ST14: variants seen among roughly 807,000 people sequenced by gnomAD.
ST14 encodes suppressor of tumorigenicity 14 protein.
ST14 carries 40 observed loss-of-function variants against 96.5 expected under a neutral mutation model. The observed-to-expected ratio is 0.41, with a 90% CI of 0.32 to 0.54. The LOEUF (loss-of-function observed/expected upper bound fraction) is 0.54, where lower values mean the gene tolerates loss of function less well. Ranked by LOEUF, ST14 falls within the 20% of genes least tolerant of loss-of-function variation. ST14 has a pLI of 0.17. For missense variants in ST14, 1,066 were observed against 1,188.9 expected (o/e 0.90, Z 1.52); for synonymous variants, 506 against 492.1 (o/e 1.03, Z -0.37).
chr11:130,199,244 A>AC (rs946386067), intron 15 of ST14, among the ~76,000 whole-genome samples, 175 bp downstream of exon 15: 1 of 152,056 alleles, frequency 6.6e-6, no homozygotes, highest in African/African-American at 2.4e-5. Context: ...TGAAGGCACC[A>AC]CCCCACGGGC....
At chr11:130,200,254 C>G in intron 16 of ST14, 117 bp downstream of exon 16, 1 of 1,195,856 alleles carries the variant, frequency 8.4e-7, no homozygotes, top group Non-Finnish European at 1.2e-6. Context: ...ATGTGTTAGT[C>G]CATTCTTGAG....
At position 130,181,619 on chromosome 11, in the gene ST14, A is replaced by G. The variant is rs1375538973; in HGVS notation, c.82-6495A>G. ...TACAGTTGTCTAAGTGTCTAAGTGG[A>G]TGGGAGTTCCCTGAGACCTCCCCCT... is the stretch of plus-strand genomic sequence containing the variant. On this transcript the variant is annotated intron_variant, in intron 1 of 18. Transcript: ENST00000278742. This position sits in a 1 kb window ranked among gnomAD's most constrained non-coding sequence, Gnocchi z 4.1. Among the ~76,000 whole-genome samples, 1 of 152,192 alleles carries G rather than the reference A, an allele frequency of 6.6e-6. No homozygotes were observed. The highest frequency in any genetic ancestry group is 2.4e-5 in the African/African-American group (1 of 41,462).
chr11:130,193,817 G>A (rs1269801555), intron 7 of ST14, among the ~76,000 whole-genome samples: 7 of 152,288 alleles, frequency 4.6e-5, no homozygotes, highest in African/African-American at 9.6e-5. Context: ...TATCACTAGC[G>A]CCTTCCATCA....
chr11:130,200,927 G>A (rs1953420765), intron 16 of ST14, among the ~76,000 whole-genome samples: 1 of 152,208 alleles, frequency 6.6e-6, no homozygotes, highest in East Asian at 1.9e-4. Flanking sequence ...CGTGAGCTTT[G>A]GATTCATGCT....
Position 130,200,051 on chromosome 11 carries a change from C to T in ST14, c.1908C>T (p.Gly636=). 6.2e-7 allele frequency: 1 copy of T among 1,614,092 alleles called. No homozygotes were observed. The highest frequency in any genetic ancestry group is 1.3e-5 in the African/African-American group (1 of 74,946). The change falls in exon 16 of 19, where the codon GGC becomes GGT. Residue 636 remains glycine, a synonymous_variant. Coordinates refer to ENST00000278742, the MANE Select transcript of ST14 (RefSeq NM_021978.4). ...GGCAGGTAAGCCTGCATGCTCTGGG[C>T]CAGGGCCACATCTGCGGTGCTTCCC... ...WPWQVSLHAL[G]QGHICGASLI...
chr11:130,187,916 G>T lies in ST14; in HGVS notation c.82-198G>T, dbSNP rs115747814. The stretch of plus-strand genomic sequence containing the variant: ...AGGCCGACCTCATGTTCCTCCCAGA[G>T]CATGCCCAGGGTTCATGTCCCGGGG... On this transcript the variant is annotated intron_variant, in intron 1 of 18. Coordinates refer to ENST00000278742, the MANE Select transcript of ST14 (RefSeq NM_021978.4). The surrounding 1 kb of genome is among the most constrained non-coding windows in gnomAD (Gnocchi z 4.5). Among the ~76,000 whole-genome samples, 2,659 of 152,338 alleles carry T rather than the reference G, an allele frequency of 0.017. 79 individuals carry two copies. Among genetic ancestry groups the T allele is most frequent in the African/African-American group, 0.058 (2,422 of 41,582 alleles).
At chr11:130,203,672 G>A (rs1379847016) in intron 16 of ST14, among the ~76,000 whole-genome samples, 2 of 151,772 alleles carry the variant, frequency 1.3e-5, no homozygotes, top group Non-Finnish European at 2.9e-5. Context: ...TTTTTTTTGA[G>A]ACCGAGTTTC....
At chr11:130,182,596 C>T (rs554249632) in intron 1 of ST14, among the ~76,000 whole-genome samples, 13 of 151,366 alleles carry the variant, frequency 8.6e-5, no homozygotes, top group Middle Eastern at 3.5e-3. Flanking sequence ...ATCTGTCCAC[C>T]TTGGCCTTTC....
chr11:130,190,554 G>T lies in ST14; in HGVS notation c.735G>T (p.Gln245His). The T allele has an allele frequency of 6.2e-7, 1 of 1,612,322 alleles. No homozygotes were observed. Among genetic ancestry groups the T allele is most frequent in the Non-Finnish European group, 8.5e-7 (1 of 1,179,836 alleles). ...CCTACCCCGCTCATGCCCGCTGCCAGTGGGCCCTGCGGGGGGACGCCGACT... is the reference window on the plus strand; with the variant it reads ...CCTACCCCGCTCATGCCCGCTGCCATTGGGCCCTGCGGGGGGACGCCGACT... ...DSPYPAHARC[Q>H]WALRGDADSV... The change falls in exon 7 of 19, where the codon CAG becomes CAT. Residue 245 changes from glutamine (Q) to histidine (H), a missense_variant. Gln to His is a conservative substitution (Grantham distance 24). Coordinates refer to ENST00000278742, the MANE Select transcript of ST14 (RefSeq NM_021978.4).
chr11:130,201,340 G>T (rs576607793), intron 16 of ST14, among the ~76,000 whole-genome samples: 1 of 152,276 alleles, frequency 6.6e-6, no homozygotes, highest in Non-Finnish European at 1.5e-5. Flanking sequence ...AAGGGGATGC[G>T]CTTTCTGCTG....
chr11:130,186,801 A>T (rs1342613866), intron 1 of ST14, among the ~76,000 whole-genome samples: 1 of 152,232 alleles, frequency 6.6e-6, no homozygotes, highest in African/African-American at 2.4e-5. Flanking sequence ...GTCTAGATAG[A>T]TGAATCAAGA....
intron 1 of ST14, among the ~76,000 whole-genome samples, chr11:130,172,440 CAG>C (rs1404186401): frequency 1.0e-4 from 12 of 114,454 alleles, no homozygotes; most frequent in African/African-American, 3.9e-4. Flanking sequence ...TTTTTTGAGA[CAG>C]AGTCTCAGTC....
intron 1 of ST14, among the ~76,000 whole-genome samples, chr11:130,173,167 T>C (rs1953108543): frequency 6.6e-6 from 1 of 152,228 alleles, no homozygotes; most frequent in Admixed American, 6.5e-5. Flanking sequence ...TAATTCCTGC[T>C]AATGACTGAG....
At chr11:130,197,771 G>A in intron 11 of ST14, 70 bp from the exon 12 acceptor site, 1 of 1,359,134 alleles carries the variant, frequency 7.4e-7, no homozygotes, top group South Asian at 1.3e-5. Context: ...TTGGCCCGAG[G>A]GAGGGAGCCG....
intron 16 of ST14, among the ~76,000 whole-genome samples, chr11:130,203,575 C>T (rs1350228888): frequency 2.0e-5 from 3 of 152,266 alleles, no homozygotes; most frequent in Admixed American, 6.5e-5. Context: ...CCTGCCCGTC[C>T]GTGCAGTCTC....
In ST14 at chr11:130,208,712, G is replaced by T. The variant is rs775619116; in HGVS notation, c.2269+28G>T. The T allele has an allele frequency of 9.4e-6, 15 of 1,602,986 alleles. No homozygotes were observed. In the East Asian group the frequency reaches 1.3e-4, roughly 14 times the overall value. On this transcript the variant is annotated intron_variant, in intron 17 of 18. Transcript: ENST00000278742. ...AAGCTTCGGGCTGACCTAGGGCTCCGCAGAGGGCCTGGGGCCTTTCTCCAA... is the reference window on the plus strand; with the variant it reads ...AAGCTTCGGGCTGACCTAGGGCTCCTCAGAGGGCCTGGGGCCTTTCTCCAA...
At chr11:130,164,235 G>T (rs1953024320) in intron 1 of ST14, among the ~76,000 whole-genome samples, 1 of 152,172 alleles carries the variant, frequency 6.6e-6, no homozygotes. Flanking sequence ...TACTAATAAT[G>T]ATGAACACTA....
rs1329561844 is a variant in ST14 at position 130,200,205 on chromosome 11, T to C, written c.1994+68T>C. On this transcript the variant is annotated intron_variant, in intron 16 of 18. Transcript: ENST00000278742. ...TTTGCATCTGGGAGTAATGCCAGGA[T>C]AGGTTGGCACCGAGGCAGGGCACTG... The C allele has an allele frequency of 1.0e-5, 16 of 1,585,838 alleles. No individual in the cohort carries two copies. In the Admixed American group the frequency reaches 1.1e-4, roughly 11 times the overall value.
chr11:130,204,680 C>T (rs1405902943), intron 16 of ST14, among the ~76,000 whole-genome samples: 1 of 151,992 alleles, frequency 6.6e-6, no homozygotes, highest in Non-Finnish European at 1.5e-5. Flanking sequence ...AGCATGGTGG[C>T]ATGCACCTGC....
Sources: allele counts gnomAD v4.1 joint callset (sites outside exome capture counted in the v4.1 genomes callset), GRCh38; gene constraint gnomAD v4.1.1; non-coding constraint Gnocchi (gnomAD v3.1); transcripts MANE v1.5; gene names NCBI Gene and HGNC (gene_info 2026-07-23, HGNC 2026-07-21).